Variants in MIA2 observed in about 807,000 individuals in gnomAD.
MIA2 encodes the protein MIA SH3 domain ER export factor 2.
A neutral mutation model predicts 167.8 loss-of-function variants in MIA2; 127 were observed. The observed-to-expected ratio is 0.76, with a 90% CI of 0.66 to 0.88. MIA2 has a LOEUF of 0.88. MIA2 is among the 40% of genes least tolerant of loss of function. MIA2 has a pLI of 0.00. For missense variants in MIA2, 1,690 were observed against 1,624.7 expected (o/e 1.04, Z -0.69); for synonymous variants, 552 against 541.9 (o/e 1.02, Z -0.26).
intron 4 of MIA2, among the ~76,000 whole-genome samples, chr14:39,251,897 A>G (rs527508638): frequency 6.6e-6 from 1 of 152,272 alleles, no homozygotes; most frequent in East Asian, 1.9e-4. Context: ...TTTTTAAGAT[A>G]TTACACCTTC....
chr14:39,248,874 G>A (rs1377247343), intron 4 of MIA2, among the ~76,000 whole-genome samples: 2 of 152,016 alleles, frequency 1.3e-5, no homozygotes, highest in African/African-American at 4.8e-5. Context: ...CAAGTAGCTG[G>A]GACTATGGCC....
rs535569584 is a variant in MIA2, at chr14:39,276,920, TC to T, written c.1888-13del. The stretch of plus-strand genomic sequence containing the variant: ...AAGTACATTTTTAAGAACTTACTTT[TC>T]TTTATCTTGAAGGTTGTGGCAGCAC... On this transcript the variant is annotated splice_polypyrimidine_tract_variant and intron_variant, in intron 6 of 28. Coordinates refer to ENST00000640607, the MANE Select transcript of MIA2 (RefSeq NM_001329214.4). 2.4e-5 allele frequency: 38 copies of T among 1,605,404 alleles called. No individual in the cohort carries two copies. In the South Asian group the frequency reaches 4.0e-4, roughly 17 times the overall value.
chr14:39,277,074 C>G lies in MIA2; in HGVS notation c.2019+9C>G, dbSNP rs1420724858. On this transcript the variant is annotated intron_variant, in intron 7 of 28. Transcript: ENST00000640607. Reference sequence around the variant, plus strand: ...GGAGAAGTTTTAGATCGGTAAGTAACCAGTGCTATACTAAGAGAATGTTCA... The same window carrying G: ...GGAGAAGTTTTAGATCGGTAAGTAAGCAGTGCTATACTAAGAGAATGTTCA... 6.2e-7 allele frequency: 1 copy of G among 1,612,884 alleles called. No homozygotes were observed. Among genetic ancestry groups the G allele is most frequent in the African/African-American group, 1.3e-5 (1 of 74,892 alleles).
intron 23 of MIA2, among the ~76,000 whole-genome samples, chr14:39,381,022 C>CAAAA (rs59734735): frequency 9.1e-6 from 1 of 109,716 alleles, no homozygotes; most frequent in African/African-American, 3.3e-5. Context: ...GTAAAAAAAA[C>CAAAA]AAAAAAAAAA....
chr14:39,328,619 A>G (rs879150358), intron 25 of MIA2, among the ~76,000 whole-genome samples: 2 of 152,168 alleles, frequency 1.3e-5, no homozygotes, highest in African/African-American at 4.8e-5. Flanking sequence ...TAAATCCTTA[A>G]TCCATCTTGA....
At position 39,348,995 on chromosome 14, in the gene MIA2, T is replaced by C. The variant is rs1389748330; in HGVS notation, c.4072+18T>C. The C allele has an allele frequency of 4.4e-6, 7 of 1,601,374 alleles. No individual in the cohort carries two copies. The African/African-American group carries it at 6.7e-5, about 15-fold the overall frequency. ...ATTTGCAAGTATGCTTTTTTAAACT[T>C]TTTTTTTAAAGCTCAATATGTGGTT... On this transcript the variant is annotated intron_variant, in intron 28 of 28. Coordinates refer to ENST00000640607, the MANE Select transcript of MIA2 (RefSeq NM_001329214.4).
intron 2 of MIA2, among the ~76,000 whole-genome samples, chr14:39,240,275 C>G (rs760708154): frequency 6.6e-6 from 1 of 152,106 alleles, no homozygotes; most frequent in Non-Finnish European, 1.5e-5. Context: ...CAAGAAAGGT[C>G]GTTAAAGAAC....
chr14:39,358,749 T>G (rs1373952207), intron 23 of MIA2, among the ~76,000 whole-genome samples: 3 of 152,228 alleles, frequency 2.0e-5, no homozygotes, highest in Admixed American at 1.3e-4. Flanking sequence ...GTCCTTTCTG[T>G]TTGTTAGTTT....
At chr14:39,280,073 T>C (rs2058701723) in intron 9 of MIA2, among the ~76,000 whole-genome samples, 1 of 151,996 alleles carries the variant, frequency 6.6e-6, no homozygotes, top group Non-Finnish European at 1.5e-5. Context: ...TGAAGATTCA[T>C]TTTTTTTCCT....
Position 39,303,514 on chromosome 14 carries a change from ATGC to A in MIA2, c.2782_2784del (p.Ala928del). The A allele has an allele frequency of 6.2e-7, 1 of 1,610,800 alleles. No homozygotes were observed. The highest frequency in any genetic ancestry group is 8.5e-7 in the Non-Finnish European group (1 of 1,177,746). ...AAAGGAGCTTTGAAGAAACTGATTC[ATGC>A]TGCTAAGGTTTGTGCTATTAGATAC... On this transcript the variant is annotated inframe_deletion, in exon 16 of 29. Coordinates refer to ENST00000640607, the MANE Select transcript of MIA2 (RefSeq NM_001329214.4).
chr14:39,263,480 C>T (rs2055233397), intron 6 of MIA2, among the ~76,000 whole-genome samples: 1 of 151,788 alleles, frequency 6.6e-6, no homozygotes, highest in African/African-American at 2.4e-5. Context: ...GGGAATCCTT[C>T]TGCCTTAGTC....
chr14:39,386,413 A>G (rs1459078723), intron 23 of MIA2: 75 of 1,558,040 alleles, frequency 4.8e-5, no homozygotes, highest in Non-Finnish European at 6.5e-5. Context: ...TTTTGGCTTT[A>G]ACAAGGCTGT....
At chr14:39,270,329 G>A (rs2056909448) in intron 6 of MIA2, among the ~76,000 whole-genome samples, 1 of 150,286 alleles carries the variant, frequency 6.7e-6, no homozygotes, top group African/African-American at 2.5e-5. Context: ...AGCCTCCTGT[G>A]TAGCTGGGAC....
At chr14:39,353,729 A>G (rs1315774888), downstream of MIA2, among the ~76,000 whole-genome samples, 2 of 151,998 alleles carry the variant, frequency 1.3e-5, no homozygotes, top group African/African-American at 2.4e-5. Flanking sequence ...CTGACCCTAT[A>G]ACAGGCCCTG....
intron 14 of MIA2, among the ~76,000 whole-genome samples, chr14:39,300,432 A>G (rs2062202485): frequency 6.6e-6 from 1 of 152,130 alleles, no homozygotes; most frequent in Non-Finnish European, 1.5e-5. Flanking sequence ...CTCCAGTCAT[A>G]AGAATAAAAG....
intron 10 of MIA2, 137 bp downstream of exon 10, chr14:39,291,233 AAATT>A (rs1236753576): frequency 3.1e-6 from 2 of 647,538 alleles, no homozygotes; most frequent in Admixed American, 3.6e-5. Flanking sequence ...TTAAATAAGA[AAATT>A]AATATAGGAA....
In MIA2 at chr14:39,252,959, T is replaced by G; in HGVS notation, c.1779T>G (p.Ser593=). The change falls in exon 5 of 29, where the codon TCT becomes TCG. Residue 593 remains serine, a synonymous_variant. Transcript: ENST00000640607. ...CTTTGTCTTCTCAAAATTATATTTCTCAGAAAGGTAAGAAACAGGTTATTT... is the reference window on the plus strand; with the variant it reads ...CTTTGTCTTCTCAAAATTATATTTCGCAGAAAGGTAAGAAACAGGTTATTT... ...DNSLSSQNYI[S]QKEDASEFQI... 2 of 1,602,806 alleles carry G rather than the reference T, an allele frequency of 1.2e-6. No homozygotes were observed. The highest frequency in any genetic ancestry group is 1.7e-6 in the Non-Finnish European group (2 of 1,173,438).
At position 39,279,319 on chromosome 14, in the gene MIA2, G is replaced by T; in HGVS notation, c.2020-18G>T. 2 of 1,592,854 alleles carry T rather than the reference G, an allele frequency of 1.3e-6. No individual in the cohort carries two copies. The highest frequency in any genetic ancestry group is 2.3e-5 in the South Asian group (2 of 86,484). ...GCGTATTTGTTTTAATGTAATTTTT[G>T]TTAAAAATTTGTTTCAGGTTAGGAG... On this transcript the variant is annotated intron_variant, in intron 7 of 28. Transcript: ENST00000640607.
chr14:39,345,523 C>G (rs12891024), intron 25 of MIA2, among the ~76,000 whole-genome samples: 41,988 of 151,758 alleles, frequency 0.28, 6,971 homozygotes, highest in Non-Finnish European at 0.38. Context: ...TACGTTTTTT[C>G]TCTTTACTTT....
Sources: allele counts gnomAD v4.1 joint callset (sites outside exome capture counted in the v4.1 genomes callset), GRCh38; gene constraint gnomAD v4.1.1; transcripts MANE v1.5; gene names NCBI Gene and HGNC (gene_info 2026-07-23, HGNC 2026-07-21).